The following ADAMTS18 variants were observed in gnomAD, a reference collection of about 807,000 sequenced individuals.
ADAMTS18 encodes the protein A disintegrin and metalloproteinase with thrombospondin motifs 18.
A neutral mutation model predicts 165.9 loss-of-function variants in ADAMTS18; 157 were observed. The ratio of observed to expected loss-of-function variants is 0.95; its 90% confidence interval spans 0.83 to 1.08. The LOEUF (loss-of-function observed/expected upper bound fraction) is 1.08. Ranked by LOEUF, ADAMTS18 falls within the 50% of genes least tolerant of loss-of-function variation. The probability of loss-of-function intolerance (pLI) is 0.00; values close to 1 mark genes in which losing one functional copy is unlikely to be tolerated. For synonymous variants in ADAMTS18, 782 were observed against 578.2 expected (o/e 1.35, Z -5.06); for missense variants, 2,040 against 1,534.0 (o/e 1.33, Z -5.51).
At chr16:77,345,995 G>C (rs1451214384) in intron 10 of ADAMTS18, among the ~76,000 whole-genome samples, 1 of 152,112 alleles carries the variant, frequency 6.6e-6, no homozygotes, top group African/African-American at 2.4e-5. Context: ...TGCTCACTCT[G>C]GTTTAGCCAC....
Position 77,367,459 on chromosome 16 carries a change from A to C in ADAMTS18, c.760T>G (p.Cys254Gly). 1.2e-6 allele frequency: 2 copies of C among 1,614,232 alleles called. No homozygotes were observed. The highest frequency in any genetic ancestry group is 8.5e-7 in the Non-Finnish European group (1 of 1,180,040). Residue 254 changes from cysteine (C) to glycine (G), a missense_variant, in exon 4 of 23, where the codon TGT (cysteine) becomes GGT (glycine). Cys to Gly is a radical substitution (Grantham distance 159). Coordinates refer to ENST00000282849, the MANE Select transcript of ADAMTS18 (RefSeq NM_199355.4). ...TACATACATTTCTTGCGTCGTCCAC[A>C]AAAATGCTGCTTTTGCAACCTTCGA... Reference protein sequence around the residue: ...HHRRLQKQHFCGRRKKYAPKP... With the variant: ...HHRRLQKQHFGGRRKKYAPKP...
intron 3 of ADAMTS18, among the ~76,000 whole-genome samples, chr16:77,392,728 G>C (rs555204609): frequency 1.3e-3 from 203 of 152,224 alleles, no homozygotes; most frequent in African/African-American, 4.6e-3. Context: ...GAATAAATGA[G>C]TGCCTCTGTC....
At chr16:77,401,610 A>G (rs1018959769) in intron 3 of ADAMTS18, among the ~76,000 whole-genome samples, 1 of 152,210 alleles carries the variant, frequency 6.6e-6, no homozygotes, top group East Asian at 1.9e-4. Context: ...TTATGTATCA[A>G]ATTGACTGGG....
At chr16:77,347,505 A>T (rs1567502494) in intron 10 of ADAMTS18, among the ~76,000 whole-genome samples, 1 of 152,182 alleles carries the variant, frequency 6.6e-6, no homozygotes, top group Non-Finnish European at 1.5e-5. Context: ...CATTCCAGTC[A>T]GTGTGCAGTG....
Position 77,293,199 on chromosome 16 carries a change from G to A in ADAMTS18, c.3066C>T (p.Ala1022=), listed in dbSNP as rs374112306. Residue 1022 remains alanine (A), a synonymous_variant, in exon 20 of 23, where the codon GCC becomes GCT. Coordinates refer to ENST00000282849, the MANE Select transcript of ADAMTS18 (RefSeq NM_199355.4). The part of the protein sequence containing the change: ...RKRELLCKGS[A]AETLPESQCT... ...ACTGGCTCTCGGGGAGGGTTTCTGC[G>A]GCAGAGCCCTTGCAGAGGAGTTCAC... The A allele has an allele frequency of 2.5e-5, 40 of 1,613,808 alleles. No individual in the cohort carries two copies. The highest frequency in any genetic ancestry group is 1.5e-4 in the African/African-American group (11 of 74,932).
At chr16:77,329,070 G>C (rs548392257) in intron 12 of ADAMTS18, among the ~76,000 whole-genome samples, 1 of 152,026 alleles carries the variant, frequency 6.6e-6, no homozygotes, top group African/African-American at 2.4e-5. Context: ...GCAATGTTTA[G>C]GGAGCTGGCC....
intron 12 of ADAMTS18, among the ~76,000 whole-genome samples, chr16:77,333,574 C>A (rs1463786198): frequency 1.3e-5 from 2 of 150,528 alleles, no homozygotes; most frequent in Non-Finnish European, 3.0e-5. Context: ...TAAAAGCCAT[C>A]CCAAAAAAAT....
chr16:77,352,246 T>A (rs958090637), intron 10 of ADAMTS18, among the ~76,000 whole-genome samples: 1 of 152,074 alleles, frequency 6.6e-6, no homozygotes, highest in Admixed American at 6.6e-5. Flanking sequence ...TGAATGTGAA[T>A]TGGTTTCTAG....
chr16:77,357,613 A>C (rs2056650904), intron 8 of ADAMTS18, among the ~76,000 whole-genome samples: 1 of 152,200 alleles, frequency 6.6e-6, no homozygotes, highest in South Asian at 2.1e-4. Flanking sequence ...ACGCTAGAGG[A>C]AAAGAACTTA....
intron 3 of ADAMTS18, among the ~76,000 whole-genome samples, chr16:77,418,761 G>C (rs562818195): frequency 6.2e-4 from 94 of 152,298 alleles, no homozygotes; most frequent in Admixed American, 1.4e-3. Context: ...GGGACTATTT[G>C]GTGAACACCT....
At chr16:77,389,961 T>G (rs1369296713) in intron 3 of ADAMTS18, among the ~76,000 whole-genome samples, 1 of 152,194 alleles carries the variant, frequency 6.6e-6, no homozygotes, top group African/African-American at 2.4e-5. Flanking sequence ...GCAAAACTGA[T>G]GTTCAGCCAA....
rs186168319 is a variant in ADAMTS18, at chr16:77,313,464, A to C, written c.2532+6385T>G. Among the ~76,000 whole-genome samples, 217 of 146,976 alleles carry C rather than the reference A, an allele frequency of 1.5e-3. 1 individual carries two copies. Among genetic ancestry groups the C allele is most frequent in the African/African-American group, 5.3e-3 (208 of 39,492 alleles). ...ATAATAAAAATAAAATAAATAAATA[A>C]ATAAATAAATGACTCAAGGTTTAAA... On this transcript the variant is annotated intron_variant, in intron 16 of 22. Coordinates refer to ENST00000282849, the MANE Select transcript of ADAMTS18 (RefSeq NM_199355.4).
intron 3 of ADAMTS18, among the ~76,000 whole-genome samples, chr16:77,398,087 C>T (rs966098835): frequency 6.6e-6 from 1 of 152,096 alleles, no homozygotes; most frequent in Non-Finnish European, 1.5e-5. Context: ...GAGGCCGAGG[C>T]AGGCAGATCA....
intron 16 of ADAMTS18, among the ~76,000 whole-genome samples, chr16:77,305,565 T>C (rs2055666145): frequency 6.6e-6 from 1 of 152,212 alleles, no homozygotes; most frequent in African/African-American, 2.4e-5. Flanking sequence ...ATGAAGCTAG[T>C]CCTGCCCAGC....
chr16:77,379,479 CTGTT>C (rs1034279099), intron 3 of ADAMTS18, among the ~76,000 whole-genome samples: 44 of 151,728 alleles, frequency 2.9e-4, no homozygotes, highest in African/African-American at 1.0e-3. Flanking sequence ...TGCTGGCTAT[CTGTT>C]TATTTTTATT....
chr16:77,376,403 C>A (rs1225142646), intron 3 of ADAMTS18, among the ~76,000 whole-genome samples: 1 of 152,182 alleles, frequency 6.6e-6, no homozygotes, highest in Non-Finnish European at 1.5e-5. Flanking sequence ...GGTGGGGACA[C>A]AAAGCCAAAC....
In ADAMTS18 at chr16:77,305,099, AAACTT is replaced by A. The variant is rs540645972; in HGVS notation, c.2533-4700_2533-4696del. 4.1e-4 allele frequency among the ~76,000 whole-genome samples: 45 copies of A among 109,016 alleles called. No individual in the cohort carries two copies. The South Asian group carries it at 0.013, about 32-fold the overall frequency. The allele number at this position is 109,016 out of a possible 152,430, so 71.5% of individuals were successfully genotyped here. On this transcript the variant is annotated intron_variant, in intron 16 of 22. Coordinates refer to ENST00000282849, the MANE Select transcript of ADAMTS18 (RefSeq NM_199355.4). ...CGTAAAGGCCTTGTAAAGGAAGTAA[AAACTT>A]AAACAAATAAGTACCAAGACAAATA...
intron 16 of ADAMTS18, among the ~76,000 whole-genome samples, chr16:77,314,753 C>CTTT (rs1555511655): frequency 2.7e-5 from 1 of 36,902 alleles, no homozygotes; most frequent in African/African-American, 1.1e-4. Flanking sequence ...TCTCAGGTTT[C>CTTT]ATATATATAT....
intron 11 of ADAMTS18, among the ~76,000 whole-genome samples, chr16:77,337,544 G>C (rs1359466595): frequency 6.6e-6 from 1 of 152,180 alleles, no homozygotes; most frequent in Non-Finnish European, 1.5e-5. Flanking sequence ...AAGTATAAGA[G>C]ACTGGATTTA....
Sources: allele counts gnomAD v4.1 joint callset (sites outside exome capture counted in the v4.1 genomes callset), GRCh38; gene constraint gnomAD v4.1.1; transcripts MANE v1.5; gene names NCBI Gene and HGNC (gene_info 2026-07-23, HGNC 2026-07-21).